The following CNTNAP2 variants were observed in gnomAD, a reference collection of about 807,000 sequenced individuals.
The protein encoded by CNTNAP2 is contactin-associated protein-like 2.
A neutral mutation model predicts 155.2 loss-of-function variants in CNTNAP2; 98 were observed. The ratio of observed to expected loss-of-function variants is 0.63; its 90% confidence interval spans 0.54 to 0.75. The LOEUF is 0.75. Among genes scored for constraint, CNTNAP2 ranks in the 30% least tolerant of loss-of-function variants. The pLI, the probability that CNTNAP2 is intolerant of heterozygous loss-of-function variation, is 0.00. For synonymous variants in CNTNAP2, 651 were observed against 631.2 expected (o/e 1.03, Z -0.47); for missense variants, 1,727 against 1,688.1 (o/e 1.02, Z -0.40).
chr7:148,108,632 G>A (rs1204171547), intron 15 of CNTNAP2, among the ~76,000 whole-genome samples: 2 of 119,172 alleles, frequency 1.7e-5, no homozygotes, highest in Non-Finnish European at 3.2e-5. Context: ...TCATGCATGA[G>A]TGGAATCTAA....
chr7:147,451,873 A>G (rs946021147), intron 10 of CNTNAP2, among the ~76,000 whole-genome samples: 2 of 151,970 alleles, frequency 1.3e-5, no homozygotes, highest in Non-Finnish European at 2.9e-5. Flanking sequence ...CCCGCTGGGT[A>G]GGATATGTGC....
Position 146,803,256 on chromosome 7 carries a change from A to G in CNTNAP2, c.208+28875A>G, listed in dbSNP as rs183398417. ...AGATATCTAGCAAAAGGGAAGCAAT[A>G]GAATACACCAGCTGAGGGACTTGTA... On this transcript the variant is annotated intron_variant, in intron 2 of 23. Transcript: ENST00000361727. Among the ~76,000 whole-genome samples, 620 of 152,340 alleles carry G rather than the reference A, an allele frequency of 4.1e-3. 4 individuals are homozygous for G. Among genetic ancestry groups the G allele is most frequent in the Non-Finnish European group, 7.1e-3 (481 of 68,042 alleles).
At position 147,250,631 on chromosome 7, in the gene CNTNAP2, G is replaced by A. The variant is rs1584819871; in HGVS notation, c.1349-49510G>A. Among the ~76,000 whole-genome samples the A allele has an allele frequency of 2.6e-5, 4 of 151,804 alleles. No individual in the cohort carries two copies. In the South Asian group the frequency reaches 8.3e-4, roughly 32 times the overall value. On this transcript the variant is annotated intron_variant, in intron 8 of 23. Coordinates refer to ENST00000361727, the MANE Select transcript of CNTNAP2 (RefSeq NM_014141.6). Reference sequence around the variant, plus strand: ...CTTTCGGGGGAGGGAGAGCTTTGGAGTTTGGAGGAGAAGGAGGAAAAGTGT... The same window carrying A: ...CTTTCGGGGGAGGGAGAGCTTTGGAATTTGGAGGAGAAGGAGGAAAAGTGT...
intron 3 of CNTNAP2, among the ~76,000 whole-genome samples, chr7:146,851,648 TTCTGTGTGTGTGTGTGTGTG>T (rs1794879909): frequency 7.5e-6 from 1 of 133,912 alleles, no homozygotes; most frequent in East Asian, 2.4e-4. Flanking sequence ...ATCATCTTTC[TTCTGTGTGTGTGTGTGTGTG>T]TGTGTGTGTG....
chr7:147,583,163 A>G (rs77540070), intron 12 of CNTNAP2, among the ~76,000 whole-genome samples: 12,423 of 152,144 alleles, frequency 0.082, 704 homozygotes, highest in Non-Finnish European at 0.12. Context: ...AAGCCAATTA[A>G]TTTAATTTAT....
At chr7:148,075,629 C>A (rs1164190470) in intron 15 of CNTNAP2, among the ~76,000 whole-genome samples, 1 of 152,082 alleles carries the variant, frequency 6.6e-6, no homozygotes, top group Non-Finnish European at 1.5e-5. Flanking sequence ...GCAACAACAA[C>A]AAAAATTATA....
chr7:148,409,804 C>CTACTCGGGAT (rs1342245894), intron 23 of CNTNAP2, among the ~76,000 whole-genome samples: 137 of 96,332 alleles, frequency 1.4e-3, no homozygotes, highest in South Asian at 1.8e-3. Flanking sequence ...GTAATCCCAG[C>CTACTCGGGAT]ACTTTGGGAG....
chr7:147,668,902 A>T (rs576834026), intron 13 of CNTNAP2, among the ~76,000 whole-genome samples: 4 of 152,290 alleles, frequency 2.6e-5, no homozygotes, highest in African/African-American at 7.2e-5. Context: ...TGACTCACTC[A>T]GAGCAACTTC....
At chr7:146,324,550 A>T (rs941736866) in intron 1 of CNTNAP2, among the ~76,000 whole-genome samples, 4 of 152,170 alleles carry the variant, frequency 2.6e-5, no homozygotes, top group African/African-American at 9.7e-5. Flanking sequence ...GAGGATTTCT[A>T]CTTCCTTTCA....
intron 1 of CNTNAP2, among the ~76,000 whole-genome samples, chr7:146,665,673 C>T (rs113871912): frequency 0.016 from 2,477 of 150,750 alleles, 70 homozygotes; most frequent in African/African-American, 0.058. Context: ...CCCAGCTACT[C>T]GGGAGGCTGA....
At chr7:146,305,523 T>C (rs1800693244) in intron 1 of CNTNAP2, among the ~76,000 whole-genome samples, 1 of 152,102 alleles carries the variant, frequency 6.6e-6, no homozygotes, top group Non-Finnish European at 1.5e-5. Context: ...TGCAGGTCTG[T>C]TGGAGTTTCC....
At chr7:148,073,813 G>T (rs893092601) in intron 15 of CNTNAP2, among the ~76,000 whole-genome samples, 1 of 151,860 alleles carries the variant, frequency 6.6e-6, no homozygotes, top group Non-Finnish European at 1.5e-5. Context: ...ATATCAATGG[G>T]TTCTGAACCT....
At chr7:146,119,167 C>T (rs896066602) in intron 1 of CNTNAP2, among the ~76,000 whole-genome samples, 4 of 151,950 alleles carry the variant, frequency 2.6e-5, no homozygotes, top group Admixed American at 2.0e-4. Context: ...AGCAACTCAA[C>T]CAGGAGAGGT....
intron 13 of CNTNAP2, among the ~76,000 whole-genome samples, chr7:147,695,726 C>T (rs183562153): frequency 8.2e-4 from 125 of 152,164 alleles, no homozygotes; most frequent in Middle Eastern, 6.8e-3. Flanking sequence ...CTCTTGAACC[C>T]GGGAGGCGAA....
intron 1 of CNTNAP2, among the ~76,000 whole-genome samples, chr7:146,135,398 T>C (rs1021960039): frequency 2.0e-5 from 3 of 152,066 alleles, no homozygotes; most frequent in African/African-American, 7.2e-5. Flanking sequence ...GTTTTTGTAG[T>C]TATGAGAGAA....
At chr7:146,283,330 T>C (rs536448163) in intron 1 of CNTNAP2, among the ~76,000 whole-genome samples, 1 of 152,042 alleles carries the variant, frequency 6.6e-6, no homozygotes, top group Non-Finnish European at 1.5e-5. Flanking sequence ...TTATTTATAC[T>C]ACTAACATCA....
chr7:148,194,826 C>T (rs182354275), intron 18 of CNTNAP2, among the ~76,000 whole-genome samples: 168 of 152,286 alleles, frequency 1.1e-3, no homozygotes, highest in Non-Finnish European at 2.1e-3. Context: ...GGATGGTGCC[C>T]ACCCTTATTG....
Position 148,016,774 on chromosome 7 carries a change from A to G in CNTNAP2, c.2383+38785A>G, listed in dbSNP as rs956976086. Reference sequence around the variant, plus strand: ...GGAAGGTATATATCCCTAATCACAGAGGTTTTTTCATGCTCTTAGGTCCTA... The same window carrying G: ...GGAAGGTATATATCCCTAATCACAGGGGTTTTTTCATGCTCTTAGGTCCTA... On this transcript the variant is annotated intron_variant, in intron 15 of 23. Transcript: ENST00000361727. Among the ~76,000 whole-genome samples, 3 of 152,148 alleles carry G rather than the reference A, an allele frequency of 2.0e-5. No individual in the cohort carries two copies. In the East Asian group the frequency reaches 5.8e-4, roughly 29 times the overall value.
chr7:147,008,005 T>C (rs1297482957), intron 3 of CNTNAP2, among the ~76,000 whole-genome samples: 1 of 152,142 alleles, frequency 6.6e-6, no homozygotes, highest in Non-Finnish European at 1.5e-5. Context: ...TTATTTAATA[T>C]GACAAGTGTC....
Sources: gnomAD v4.1 joint callset for allele counts (sites outside exome capture counted in the v4.1 genomes callset) on GRCh38, gnomAD v4.1.1 for gene constraint, MANE v1.5 for transcripts, NCBI Gene and HGNC (gene_info 2026-07-23, HGNC 2026-07-21) for gene names.